ATP2B2: variants seen among roughly 807,000 people sequenced by gnomAD.
ATP2B2 encodes the protein ATPase plasma membrane Ca2+ transporting 2.
ATP2B2 carries 15 observed loss-of-function variants against 120.0 expected under a neutral mutation model. That is an observed-to-expected ratio of 0.12 (90% confidence interval 0.08 to 0.19). The LOEUF is 0.19. ATP2B2 is among the 10% of genes least tolerant of loss of function. ATP2B2 has a pLI of 1.00. For missense variants in ATP2B2, 1,045 were observed against 1,719.8 expected (o/e 0.61, Z 6.94); for synonymous variants, 694 against 700.3 (o/e 0.99, Z 0.14).
chr3:10,703,882 G>A (rs762735392), intron 1 of ATP2B2, among the ~76,000 whole-genome samples: 2 of 152,162 alleles, frequency 1.3e-5, no homozygotes, highest in Non-Finnish European at 2.9e-5. Flanking sequence ...TGCCCACTGG[G>A]CCACACTGCC....
At chr3:10,363,331 C>T (rs2060954004) in intron 12 of ATP2B2, among the ~76,000 whole-genome samples, 1 of 152,202 alleles carries the variant, frequency 6.6e-6, no homozygotes, top group Non-Finnish European at 1.5e-5. Flanking sequence ...AGGGCTCCAA[C>T]TCTGTAAGGG....
At chr3:10,538,590 G>A (rs928605832) in intron 2 of ATP2B2, among the ~76,000 whole-genome samples, 1 of 152,142 alleles carries the variant, frequency 6.6e-6, no homozygotes, top group African/African-American at 2.4e-5. Flanking sequence ...ATCAATAAAT[G>A]TAATCCAGCA....
intron 2 of ATP2B2, among the ~76,000 whole-genome samples, chr3:10,447,851 C>CA (rs1280933756): frequency 2.6e-5 from 4 of 152,094 alleles, no homozygotes; most frequent in Non-Finnish European, 4.4e-5. Flanking sequence ...CCTGCCAAAA[C>CA]AAAAAAATAG....
upstream of ATP2B2, among the ~76,000 whole-genome samples, chr3:10,508,080 T>G (rs944105851): frequency 6.6e-6 from 1 of 152,058 alleles, no homozygotes; most frequent in African/African-American, 2.4e-5. Flanking sequence ...CAGTTGTGGA[T>G]TTTGGTTTTC....
chr3:10,490,321 A>G (rs1227790628), intron 1 of ATP2B2, among the ~76,000 whole-genome samples: 1 of 152,222 alleles, frequency 6.6e-6, no homozygotes, highest in East Asian at 1.9e-4. Flanking sequence ...TAAAATGGGA[A>G]TAATAACTGC....
intron 2 of ATP2B2, among the ~76,000 whole-genome samples, chr3:10,594,721 A>ATAATAATAATAC (rs1474425838): frequency 3.8e-5 from 1 of 26,586 alleles, no homozygotes; most frequent in Admixed American, 4.4e-4. Flanking sequence ...TATAATAATA[A>ATAATAATAATAC]TAATAATAAT....
chr3:10,626,570 TGG>T (rs2069705939), intron 1 of ATP2B2: 1 of 75,064 alleles, frequency 1.3e-5, no homozygotes, highest in African/African-American at 4.6e-5. Context: ...AGGGGATGGA[TGG>T]ATGGATGGAT....
intron 1 of ATP2B2, among the ~76,000 whole-genome samples, chr3:10,705,874 T>C: frequency 6.6e-6 from 1 of 152,200 alleles, no homozygotes; most frequent in East Asian, 1.9e-4. Context: ...CCTGGTATTT[T>C]TATTAATCGT....
intron 1 of ATP2B2, among the ~76,000 whole-genome samples, chr3:10,470,996 G>C (rs990150555): frequency 6.6e-6 from 1 of 152,210 alleles, no homozygotes; most frequent in Non-Finnish European, 1.5e-5. Flanking sequence ...GGAGAACGGG[G>C]GGCCTGGGGG....
At chr3:10,364,763 G>A (rs2060994048) in intron 12 of ATP2B2, among the ~76,000 whole-genome samples, 4 of 152,146 alleles carry the variant, frequency 2.6e-5, no homozygotes, top group South Asian at 2.1e-4. Context: ...GCTCCCAAAC[G>A]AACCCCATAG....
chr3:10,689,292 A>G (rs1261094035), intron 1 of ATP2B2, among the ~76,000 whole-genome samples: 3 of 152,186 alleles, frequency 2.0e-5, no homozygotes, highest in Non-Finnish European at 4.4e-5. Context: ...AGAACCAGGT[A>G]TGAAGCTTGC....
At chr3:10,645,330 G>C (rs1287086119) in intron 1 of ATP2B2, among the ~76,000 whole-genome samples, 8 of 152,226 alleles carry the variant, frequency 5.3e-5, no homozygotes, top group Non-Finnish European at 2.9e-5. Flanking sequence ...TTGATGATAT[G>C]TGAGTATGAA....
intron 2 of ATP2B2, among the ~76,000 whole-genome samples, chr3:10,447,565 A>C (rs2063881922): frequency 6.6e-6 from 1 of 152,228 alleles, no homozygotes; most frequent in Non-Finnish European, 1.5e-5. Flanking sequence ...TGGGGCTGAG[A>C]GACATTTAAG....
At chr3:10,514,567 G>C (rs549210322) in intron 3 of ATP2B2, among the ~76,000 whole-genome samples, 1 of 152,330 alleles carries the variant, frequency 6.6e-6, no homozygotes, top group East Asian at 1.9e-4. Context: ...CCATTTTACA[G>C]ATAGGGATCC....
chr3:10,328,766 T>G lies in ATP2B2; in HGVS notation c.*48A>C. Reference sequence around the variant, plus strand: ...GATGGATGGGTGCCCGGAAAGCGGGTGGCAGCGGGGTCCATGAGGGCGGGC... The same window carrying G: ...GATGGATGGGTGCCCGGAAAGCGGGGGGCAGCGGGGTCCATGAGGGCGGGC... On this transcript the variant is annotated 3_prime_UTR_variant, in exon 23 of 23. Transcript: ENST00000360273. 6.5e-7 allele frequency: 1 copy of G among 1,547,016 alleles called. No homozygotes were observed. The highest frequency in any genetic ancestry group is 1.8e-5 in the Admixed American group (1 of 54,894).
intron 1 of ATP2B2, among the ~76,000 whole-genome samples, chr3:10,638,576 G>A (rs1250886129): frequency 6.6e-6 from 1 of 152,102 alleles, no homozygotes; most frequent in Non-Finnish European, 1.5e-5. Context: ...AAACACAGGA[G>A]ACAAATAGCA....
chr3:10,384,886 C>T (rs1271139475), intron 8 of ATP2B2, among the ~76,000 whole-genome samples: 2 of 152,194 alleles, frequency 1.3e-5, no homozygotes, highest in Admixed American at 6.5e-5. Flanking sequence ...CAGCTTCAGC[C>T]CAAGCCCTGA....
At chr3:10,543,624 T>G (rs2067483612) in intron 2 of ATP2B2, among the ~76,000 whole-genome samples, 1 of 152,242 alleles carries the variant, frequency 6.6e-6, no homozygotes, top group South Asian at 2.1e-4. Context: ...AATAGATTTG[T>G]TATTGTTGTT....
intron 2 of ATP2B2, among the ~76,000 whole-genome samples, chr3:10,438,503 G>A (rs1360153695): frequency 2.0e-5 from 3 of 152,202 alleles, no homozygotes; most frequent in African/African-American, 7.2e-5. Context: ...CATCTTCTTT[G>A]CCTGCTGCCT....
Sources: gnomAD v4.1 joint callset for allele counts (sites outside exome capture counted in the v4.1 genomes callset) on GRCh38, gnomAD v4.1.1 for gene constraint, MANE v1.5 for transcripts, NCBI Gene and HGNC (gene_info 2026-07-23, HGNC 2026-07-21) for gene names.